The following C16orf95 variants were observed in gnomAD, a reference collection of about 807,000 sequenced individuals.
C16orf95 encodes the protein uncharacterized protein C16orf95.
In C16orf95, 41 loss-of-function variants were observed where a neutral mutation model predicts 32.1. That is an observed-to-expected ratio of 1.28 (90% CI 1.00 to 1.66). The LOEUF (loss-of-function observed/expected upper bound fraction) is 1.66, where lower values mean the gene tolerates loss of function less well. Ranked by LOEUF, C16orf95 falls within the 40% of genes most tolerant of loss-of-function variation. The probability of loss-of-function intolerance (pLI) is 0.00; values close to 1 mark genes in which losing one functional copy is unlikely to be tolerated. For missense variants in C16orf95, 399 were observed against 325.9 expected, an observed-to-expected ratio of 1.22 and a Z score of -1.73; for synonymous variants, 147 against 128.9, an observed-to-expected ratio of 1.14 and a Z score of -0.95.
intron 3 of C16orf95, among the ~76,000 whole-genome samples, chr16:87,314,421 C>T (rs1235782028): frequency 6.6e-6 from 1 of 152,226 alleles, no homozygotes; most frequent in South Asian, 2.1e-4. Context: ...AGTACAAAGT[C>T]TATGACCCCA....
rs10551847 is a variant in C16orf95, at chr16:87,309,372, C to CTTTTTTTTTTTTTTTTTTTT, written c.514+905_514+924dup. On this transcript the variant is annotated intron_variant, in intron 5 of 6. Coordinates refer to ENST00000567970, the MANE Select transcript of C16orf95 (RefSeq NM_001195124.3). ...TATGCATTTTCTTTTTCTTTCTTTT[C>CTTTTTTTTTTTTTTTTTTTT]TTTTTTTTTTTTTTTTTTTTTTTTT... 8.5e-4 allele frequency among the ~76,000 whole-genome samples: 73 copies of CTTTTTTTTTTTTTTTTTTTT among 86,042 alleles called. 6 individuals carry two copies. The highest frequency in any genetic ancestry group is 2.2e-3 in the South Asian group (5 of 2,298). 56.4% of individuals were successfully genotyped at this position (86,042 alleles called of 152,430 possible).
intron 5 of C16orf95, among the ~76,000 whole-genome samples, chr16:87,309,702 T>C (rs771534354): frequency 2.0e-4 from 30 of 152,094 alleles, no homozygotes; most frequent in Admixed American, 5.9e-4. Context: ...GCATTTTCCA[T>C]AAACTTTTTC....
At chr16:87,309,474 C>G (rs1911183335) in intron 5 of C16orf95, among the ~76,000 whole-genome samples, 1 of 146,796 alleles carries the variant, frequency 6.8e-6, no homozygotes, top group Admixed American at 7.0e-5. Context: ...ACCTCTGCCT[C>G]CCAGGTTCAA....
intron 3 of C16orf95, among the ~76,000 whole-genome samples, chr16:87,312,067 T>C (rs1423296572): frequency 6.6e-6 from 1 of 152,238 alleles, no homozygotes; most frequent in Non-Finnish European, 1.5e-5. Flanking sequence ...TGTGAATTAT[T>C]GCAAATTACA....
intron 6 of C16orf95, among the ~76,000 whole-genome samples, chr16:87,304,555 C>T (rs906918656): frequency 2.6e-5 from 4 of 152,246 alleles, no homozygotes; most frequent in African/African-American, 9.6e-5. Context: ...TCGCTGTTGC[C>T]CAGGTACTGC....
intron 5 of C16orf95, among the ~76,000 whole-genome samples, chr16:87,309,681 G>A (rs920894263): frequency 7.8e-4 from 119 of 152,094 alleles, no homozygotes; most frequent in African/African-American, 2.6e-3. Context: ...ACTGCACCCA[G>A]CATATTATAT....
chr16:87,315,007 A>C lies in C16orf95; in HGVS notation c.294T>G (p.Pro98=), dbSNP rs1904307030. 3.3e-6 allele frequency: 5 copies of C among 1,536,000 alleles called. No individual in the cohort carries two copies. The highest frequency in any genetic ancestry group is 4.4e-6 in the Non-Finnish European group (5 of 1,146,904). The part of the protein sequence containing the change: ...LPVSRVEAAL[P]YWVPLSLRPR... ...GTCTCAGGGACAGAGGGACCCAGTA[A>C]GGCAGTGCTGCTTCCACCCTGGACA... The change falls in exon 3 of 7, where the codon CCT becomes CCG. Residue 98 remains proline, a synonymous_variant. Transcript: ENST00000567970.
rs925198482 is a variant in C16orf95, at chr16:87,302,932, G to C, written c.*125C>G. ...TGAGAAATCATTTGGGTTGAATCCT[G>C]GGTGTGGATTCTGTTCTGAGAAGAC... is the stretch of plus-strand genomic sequence containing the variant. On this transcript the variant is annotated 3_prime_UTR_variant, in exon 7 of 7. Transcript: ENST00000567970. 3.1e-6 allele frequency: 3 copies of C among 971,990 alleles called. No homozygotes were observed. The highest frequency in any genetic ancestry group is 1.6e-5 in the African/African-American group (1 of 62,146). The allele number at this position is 971,990 out of a possible 1,614,324, so 60.2% of individuals were successfully genotyped here. A position where few individuals can be genotyped will look rare whatever the true frequency, so the allele number is the denominator to read the frequency against.
At chr16:87,309,484 A>G (rs568049599) in intron 5 of C16orf95, among the ~76,000 whole-genome samples, 37 of 146,434 alleles carry the variant, frequency 2.5e-4, no homozygotes, top group Admixed American at 2.3e-3. Flanking sequence ...CCCAGGTTCA[A>G]GCAATTCTCA....
At chr16:87,310,587 G>A (rs1475829738) in intron 4 of C16orf95, among the ~76,000 whole-genome samples, 2 of 152,228 alleles carry the variant, frequency 1.3e-5, no homozygotes, top group Non-Finnish European at 2.9e-5. Flanking sequence ...GAAAGCAGGG[G>A]AGCGAGAGGC....
At chr16:87,313,986 T>C (rs2049736315) in intron 3 of C16orf95, among the ~76,000 whole-genome samples, 2 of 152,270 alleles carry the variant, frequency 1.3e-5, no homozygotes, top group South Asian at 4.1e-4. Context: ...ATGAGACAGA[T>C]ACCCATTAAG....
In C16orf95 at chr16:87,305,657, TCCCTCAGGTGGACGTCACCATGCCAGGG is replaced by T. The variant is rs1261321313; in HGVS notation, c.701+34_701+61del. 23 of 1,392,408 alleles carry T rather than the reference TCCCTCAGGTGGACGTCACCATGCCAGGG, an allele frequency of 1.7e-5. No homozygotes were observed. The highest frequency in any genetic ancestry group is 2.2e-5 in the Non-Finnish European group (23 of 1,060,908). 86.3% of individuals were successfully genotyped at this position (1,392,408 alleles called of 1,614,324 possible). A position where few individuals can be genotyped will look rare whatever the true frequency, so the allele number is the denominator to read the frequency against. On this transcript the variant is annotated intron_variant, in intron 6 of 6. Coordinates refer to ENST00000567970, the MANE Select transcript of C16orf95 (RefSeq NM_001195124.3). This position sits in a 1 kb window ranked among gnomAD's most constrained non-coding sequence, Gnocchi z 4.2. Reference sequence around the variant, plus strand: ...CCACATCCCTGATGGCCACCAAGCCTCCCTCAGGTGGACGTCACCATGCCAGGGCCACCCACTGTCCCCCATCCCCCAC... The same window carrying T: ...CCACATCCCTGATGGCCACCAAGCCTCCACCCACTGTCCCCCATCCCCCAC...
chr16:87,309,203 G>A (rs1408933996), intron 5 of C16orf95, among the ~76,000 whole-genome samples: 2 of 151,988 alleles, frequency 1.3e-5, no homozygotes, highest in Non-Finnish European at 2.9e-5. Context: ...TGCTCTGATA[G>A]GGACTCTTTT....
chr16:87,303,193 A>G lies in C16orf95; in HGVS notation c.702-118T>C, dbSNP rs868375852. Reference sequence around the variant, plus strand: ...AAGGCAGAGGCGCTCCACAGTGCACAGGGCTGGAGGAATCCCAGGCAGGGA... The same window carrying G: ...AAGGCAGAGGCGCTCCACAGTGCACGGGGCTGGAGGAATCCCAGGCAGGGA... On this transcript the variant is annotated intron_variant, in intron 6 of 6. Coordinates refer to ENST00000567970, the MANE Select transcript of C16orf95 (RefSeq NM_001195124.3). 1.6e-5 allele frequency: 15 copies of G among 966,906 alleles called. No individual in the cohort carries two copies. In the African/African-American group the frequency reaches 2.1e-4, roughly 13 times the overall value. 59.9% of individuals were successfully genotyped at this position (966,906 alleles called of 1,614,324 possible). A position where few individuals can be genotyped will look rare whatever the true frequency, so the allele number is the denominator to read the frequency against.
intron 3 of C16orf95, among the ~76,000 whole-genome samples, chr16:87,314,649 G>A (rs1290095397): frequency 6.6e-6 from 1 of 152,108 alleles, no homozygotes; most frequent in Non-Finnish European, 1.5e-5. Context: ...TTTGACACAC[G>A]TGCAGTTTAT....
chr16:87,311,469 G>A (rs758905408), intron 3 of C16orf95, among the ~76,000 whole-genome samples, 173 bp from the exon 4 acceptor site: 17 of 152,218 alleles, frequency 1.1e-4, no homozygotes, highest in Non-Finnish European at 2.4e-4. Context: ...CCAGATATGG[G>A]ACTGTGGTCT....
chr16:87,317,055 T>C (rs1302541696), intron 1 of C16orf95, 36 bp downstream of exon 1: 1 of 1,474,680 alleles, frequency 6.8e-7, no homozygotes, highest in East Asian at 2.6e-5. Context: ...AGGCGAGGTG[T>C]CGGGTAGCCG....
intron 1 of C16orf95, among the ~76,000 whole-genome samples, chr16:87,316,691 G>A (rs1054523369): frequency 6.6e-6 from 1 of 152,020 alleles, no homozygotes; most frequent in Non-Finnish European, 1.5e-5. Flanking sequence ...AGTTCAGGTG[G>A]GCCAAACTCA....
Position 87,317,373 on chromosome 16 carries a change from G to T in C16orf95, c.-131C>A. On this transcript the variant is annotated 5_prime_UTR_variant, in exon 1 of 7. Coordinates refer to ENST00000567970, the MANE Select transcript of C16orf95 (RefSeq NM_001195124.3). ...CTCAACCCCAGCCCCAACCTCAACC[G>T]CTCAGAGGAGCCCAACAACGCCCGC... 1 of 1,398,102 alleles carries T rather than the reference G, an allele frequency of 7.2e-7. No individual in the cohort carries two copies. Among genetic ancestry groups the T allele is most frequent in the South Asian group, 1.6e-5 (1 of 62,544 alleles). 86.6% of individuals were successfully genotyped at this position (1,398,102 alleles called of 1,614,324 possible). A position where few individuals can be genotyped will look rare whatever the true frequency, so the allele number is the denominator to read the frequency against.
Sources: allele counts gnomAD v4.1 joint callset (sites outside exome capture counted in the v4.1 genomes callset), GRCh38; gene constraint gnomAD v4.1.1; non-coding constraint Gnocchi (gnomAD v3.1); transcripts MANE v1.5; gene names NCBI Gene and HGNC (gene_info 2026-07-23, HGNC 2026-07-21).